DPYD: variants seen among roughly 807,000 people sequenced by gnomAD.
DPYD encodes the protein dihydropyrimidine dehydrogenase.
In DPYD, 109 loss-of-function variants were observed where a neutral mutation model predicts 116.2. That is an observed-to-expected ratio of 0.94 (90% CI 0.80 to 1.10). The LOEUF is 1.10. Ranked by LOEUF, DPYD falls within the 50% of genes least tolerant of loss-of-function variation. The probability of loss-of-function intolerance (pLI) is 0.00; values close to 1 mark genes in which losing one functional copy is unlikely to be tolerated. For missense variants in DPYD, 1,302 were observed against 1,254.5 expected (o/e 1.04, Z -0.57); for synonymous variants, 440 against 432.0 (o/e 1.02, Z -0.23).
At chr1:97,407,877 G>A (rs534931309) in intron 14 of DPYD, among the ~76,000 whole-genome samples, 5 of 152,220 alleles carry the variant, frequency 3.3e-5, no homozygotes, top group African/African-American at 1.2e-4. Flanking sequence ...ACACAACAAC[G>A]ATTCCATTAA....
chr1:97,823,314 C>T (rs555492649), intron 3 of DPYD, among the ~76,000 whole-genome samples: 50 of 152,244 alleles, frequency 3.3e-4, no homozygotes, highest in Admixed American at 5.9e-4. Context: ...GCCACCATAC[C>T]CGGCTAATTT....
At chr1:97,632,145 A>T (rs1028808508) in intron 8 of DPYD, among the ~76,000 whole-genome samples, 1 of 152,108 alleles carries the variant, frequency 6.6e-6, no homozygotes, top group Non-Finnish European at 1.5e-5. Flanking sequence ...AGCTGTGGTC[A>T]TCAATCACTA....
intron 20 of DPYD, among the ~76,000 whole-genome samples, chr1:97,170,247 C>A (rs1656625679): frequency 6.6e-6 from 1 of 152,156 alleles, no homozygotes; most frequent in African/African-American, 2.4e-5. Context: ...GTGATGAGGA[C>A]ACTCTAAGGT....
At chr1:97,757,925 C>T (rs1665338730) in intron 3 of DPYD, among the ~76,000 whole-genome samples, 1 of 152,110 alleles carries the variant, frequency 6.6e-6, no homozygotes, top group African/African-American at 2.4e-5. Flanking sequence ...CCCAATAAGG[C>T]AGCTTGGCGC....
chr1:97,216,989 C>T (rs904411226), intron 19 of DPYD, among the ~76,000 whole-genome samples: 1 of 152,084 alleles, frequency 6.6e-6, no homozygotes, highest in African/African-American at 2.4e-5. Flanking sequence ...GAGTGGATCA[C>T]CTGAGGTCAG....
At chr1:97,508,066 C>T (rs942991363) in intron 13 of DPYD, among the ~76,000 whole-genome samples, 1 of 151,932 alleles carries the variant, frequency 6.6e-6, no homozygotes, top group Non-Finnish European at 1.5e-5. Flanking sequence ...TGGCACTGGG[C>T]ATGCTGTAGT....
At chr1:97,413,452 T>C (rs184770420) in intron 14 of DPYD, among the ~76,000 whole-genome samples, 4 of 151,928 alleles carry the variant, frequency 2.6e-5, no homozygotes, top group African/African-American at 9.7e-5. Flanking sequence ...CTGTCAAGAG[T>C]TTTTCGTTGT....
At chr1:97,721,418 G>A (rs2101025941) in intron 5 of DPYD, 92 bp downstream of exon 5, 1 of 1,470,776 alleles carries the variant, frequency 6.8e-7, no homozygotes, top group East Asian at 2.3e-5. Flanking sequence ...AAAAATGTTG[G>A]GTATCAACAG....
chr1:97,590,742 G>A (rs182834339), intron 10 of DPYD, among the ~76,000 whole-genome samples: 3 of 152,060 alleles, frequency 2.0e-5, no homozygotes, highest in African/African-American at 7.2e-5. Flanking sequence ...GCCTTCCAAG[G>A]TGCTATGCCT....
chr1:97,187,980 T>C (rs1014738311), intron 20 of DPYD, among the ~76,000 whole-genome samples: 1 of 152,144 alleles, frequency 6.6e-6, no homozygotes, highest in Non-Finnish European at 1.5e-5. Context: ...CACAGCCTAA[T>C]TGTATAATTT....
intron 11 of DPYD, among the ~76,000 whole-genome samples, chr1:97,568,172 A>G (rs1267116845): frequency 6.6e-6 from 1 of 152,118 alleles, no homozygotes; most frequent in African/African-American, 2.4e-5. Flanking sequence ...TGAATGTATG[A>G]GCATCTGCTT....
At position 97,627,851 on chromosome 1, in the gene DPYD, A is replaced by G. The variant is rs540509749; in HGVS notation, c.851-32685T>C. 2.2e-4 allele frequency among the ~76,000 whole-genome samples: 33 copies of G among 151,742 alleles called. No homozygotes were observed. The East Asian group carries it at 4.8e-3, about 22-fold the overall frequency. ...AATATTATATAAAACACATATACATATACAAAAAATAACATTATAATACTA... is the reference window on the plus strand; with the variant it reads ...AATATTATATAAAACACATATACATGTACAAAAAATAACATTATAATACTA... On this transcript the variant is annotated intron_variant, in intron 8 of 22. Transcript: ENST00000370192.
chr1:97,604,075 C>T (rs1010263242), intron 8 of DPYD, among the ~76,000 whole-genome samples: 6 of 152,094 alleles, frequency 3.9e-5, no homozygotes, highest in African/African-American at 9.7e-5. Flanking sequence ...AAATAAAGAA[C>T]ATGTAGCAAA....
chr1:97,737,351 T>C (rs1190147502), intron 4 of DPYD, among the ~76,000 whole-genome samples: 1 of 152,164 alleles, frequency 6.6e-6, no homozygotes, highest in Non-Finnish European at 1.5e-5. Flanking sequence ...TTTTGTTGCA[T>C]ATATCTAAAT....
At chr1:97,653,398 G>A (rs930323049) in intron 8 of DPYD, among the ~76,000 whole-genome samples, 4 of 151,270 alleles carry the variant, frequency 2.6e-5, no homozygotes, top group South Asian at 2.1e-4. Context: ...TCCGACTCCC[G>A]GGTTCAAGCG....
At chr1:97,704,961 T>C (rs1056183021) in intron 5 of DPYD, among the ~76,000 whole-genome samples, 1 of 152,034 alleles carries the variant, frequency 6.6e-6, no homozygotes, top group African/African-American at 2.4e-5. Context: ...CCAATATTTA[T>C]TGAAATATAT....
chr1:97,319,043 G>C, intron 16 of DPYD, among the ~76,000 whole-genome samples: 1 of 41,888 alleles, frequency 2.4e-5, no homozygotes, highest in Non-Finnish European at 4.7e-5. Flanking sequence ...CGAGAACAAA[G>C]ACACAACATA....
intron 14 of DPYD, among the ~76,000 whole-genome samples, chr1:97,416,561 T>C (rs1308587909): frequency 6.6e-6 from 1 of 152,212 alleles, no homozygotes; most frequent in East Asian, 1.9e-4. Flanking sequence ...TAGAATACTT[T>C]GAAGCCACTG....
intron 8 of DPYD, among the ~76,000 whole-genome samples, chr1:97,656,394 T>G (rs1010853808): frequency 1.3e-5 from 2 of 152,202 alleles, no homozygotes; most frequent in African/African-American, 4.8e-5. Context: ...CTACTTTTTT[T>G]AATACACTCT....
Sources: gnomAD v4.1 joint callset for allele counts (sites outside exome capture counted in the v4.1 genomes callset) on GRCh38, gnomAD v4.1.1 for gene constraint, MANE v1.5 for transcripts, NCBI Gene and HGNC (gene_info 2026-07-23, HGNC 2026-07-21) for gene names.